The following ZNF423 variants were observed in gnomAD, a reference collection of about 807,000 sequenced individuals.
The protein encoded by ZNF423 is zinc finger protein 423, also known as Ebf-associated zinc finger protein.
A neutral mutation model predicts 95.8 loss-of-function variants in ZNF423; 12 were observed. That is an observed-to-expected ratio of 0.13 (90% CI 0.08 to 0.20). The LOEUF is 0.20. ZNF423 is among the 10% of genes least tolerant of loss of function. The probability of loss-of-function intolerance (pLI) is 1.00; values close to 1 mark genes in which losing one functional copy is unlikely to be tolerated. For synonymous variants in ZNF423, 749 were observed against 711.9 expected, an observed-to-expected ratio of 1.05 and a Z score of -0.83; for missense variants, 1,316 against 1,737.1, an observed-to-expected ratio of 0.76 and a Z score of 4.31.
At chr16:49,530,962 C>CA (rs1162269939) in intron 5 of ZNF423, among the ~76,000 whole-genome samples, 1 of 152,128 alleles carries the variant, frequency 6.6e-6, no homozygotes, top group East Asian at 1.9e-4. Flanking sequence ...CCTGATCACC[C>CA]AAAAAAATCC....
At chr16:49,773,205 G>A (rs2143722369) in intron 2 of ZNF423, among the ~76,000 whole-genome samples, 1 of 152,288 alleles carries the variant, frequency 6.6e-6, no homozygotes, top group Non-Finnish European at 1.5e-5. Flanking sequence ...TGTAATCCCA[G>A]CTACTCGGGA....
At chr16:49,609,836 G>C (rs1251876554) in intron 5 of ZNF423, among the ~76,000 whole-genome samples, 1 of 152,122 alleles carries the variant, frequency 6.6e-6, no homozygotes, top group Non-Finnish European at 1.5e-5. Flanking sequence ...GAGAAGCTGA[G>C]TGAAACTCAA....
At chr16:49,765,433 G>C (rs777438419) in intron 2 of ZNF423, among the ~76,000 whole-genome samples, 2 of 152,110 alleles carry the variant, frequency 1.3e-5, no homozygotes, top group Non-Finnish European at 2.9e-5. Context: ...AAATTTTCCT[G>C]GGTACAGTGG....
chr16:49,717,556 T>G (rs2032744454), intron 3 of ZNF423, among the ~76,000 whole-genome samples: 1 of 152,226 alleles, frequency 6.6e-6, no homozygotes, highest in Admixed American at 6.5e-5. Context: ...ATCATGGCAT[T>G]CCTCAGAGCC....
chr16:49,528,847 A>G (rs751207096), intron 5 of ZNF423, among the ~76,000 whole-genome samples: 2 of 152,000 alleles, frequency 1.3e-5, no homozygotes, highest in African/African-American at 2.4e-5. Flanking sequence ...TGGTGACCCA[A>G]TGTGAGCCAG....
At chr16:49,749,737 G>T (rs2033596921) in intron 2 of ZNF423, among the ~76,000 whole-genome samples, 2 of 127,648 alleles carry the variant, frequency 1.6e-5, no homozygotes, top group Non-Finnish European at 3.1e-5. Flanking sequence ...CGTCTGGAGG[G>T]AAATCACACG....
rs35001134 is a variant in ZNF423, at chr16:49,796,887, CA to C, written c.41-7342del. ...GAAGATCTAGAACCACCTCCACCCC[CA>C]AAATAACTTTAAGCACCCATAGACC... On this transcript the variant is annotated intron_variant, in intron 1 of 7. Coordinates refer to ENST00000563137, the MANE Select transcript of ZNF423 (RefSeq NM_001379286.1). Among the ~76,000 whole-genome samples, 21 of 152,284 alleles carry C rather than the reference CA, an allele frequency of 1.4e-4. No individual in the cohort carries two copies. The Middle Eastern group carries it at 0.01, about 74-fold the overall frequency.
rs545977248 is a variant in ZNF423, at chr16:49,855,511, TCCG to T, written c.40+221_40+223del. 1.3e-3 allele frequency among the ~76,000 whole-genome samples: 184 copies of T among 143,944 alleles called. No individual in the cohort carries two copies. The highest frequency in any genetic ancestry group is 3.1e-3 in the African/African-American group (119 of 38,052). 94.4% of individuals were successfully genotyped at this position (143,944 alleles called of 152,430 possible). On this transcript the variant is annotated intron_variant, in intron 1 of 7. Coordinates refer to ENST00000563137, the MANE Select transcript of ZNF423 (RefSeq NM_001379286.1). This position sits in a 1 kb window ranked among gnomAD's most constrained non-coding sequence, Gnocchi z 4.7. ...GGGAGGGTGTCCGCGGCGTACCCCC[TCCG>T]CCGCCGCCGCCGCCGCCGCCGCCTC...
At chr16:49,543,289 A>G (rs1054110726) in intron 5 of ZNF423, among the ~76,000 whole-genome samples, 1 of 152,132 alleles carries the variant, frequency 6.6e-6, no homozygotes, top group East Asian at 1.9e-4. Flanking sequence ...TGGCCTGGGT[A>G]AGCCCAAGCA....
chr16:49,807,027 CAAAA>C (rs767699028), intron 1 of ZNF423, among the ~76,000 whole-genome samples: 1 of 105,646 alleles, frequency 9.5e-6, no homozygotes, highest in African/African-American at 3.6e-5. Context: ...ACTCTGACTC[CAAAA>C]AAAAAAAAAA....
intron 5 of ZNF423, among the ~76,000 whole-genome samples, chr16:49,537,509 A>C (rs2080612132): frequency 6.6e-6 from 1 of 152,214 alleles, no homozygotes; most frequent in Admixed American, 6.5e-5. Flanking sequence ...AAATGAATAC[A>C]TTCAAATCAA....
At chr16:49,564,318 C>CAA (rs34542336) in intron 5 of ZNF423, among the ~76,000 whole-genome samples, 3 of 149,150 alleles carry the variant, frequency 2.0e-5, no homozygotes, top group African/African-American at 7.4e-5. Flanking sequence ...AAGTACATAT[C>CAA]AAAAAAAAAA....
rs537999029 is a variant in ZNF423, at chr16:49,638,498, G to A, written c.678C>T (p.Ser226=). ...HLKIHLKTHS[S]SKPFKCTVCK... Reference sequence around the variant, plus strand: ...ACACAGTGCACTTGAAGGGCTTGCTGGAGCTGTGGGTCTTCAGGTGGATCT... The same window carrying A: ...ACACAGTGCACTTGAAGGGCTTGCTAGAGCTGTGGGTCTTCAGGTGGATCT... The change falls in exon 4 of 8, where the codon TCC becomes TCT. Residue 226 remains serine, a synonymous_variant. Transcript: ENST00000563137. The surrounding 1 kb of genome is among the most constrained non-coding windows in gnomAD (Gnocchi z 5.6). 4.3e-6 allele frequency: 7 copies of A among 1,613,750 alleles called. No individual in the cohort carries two copies. The highest frequency in any genetic ancestry group is 1.3e-5 in the African/African-American group (1 of 74,936).
intron 1 of ZNF423, among the ~76,000 whole-genome samples, chr16:49,853,291 AGGGGC>A (rs1220278498): frequency 2.3e-5 from 1 of 44,338 alleles, no homozygotes; most frequent in African/African-American, 1.0e-4. Flanking sequence ...GCTTAAGAGA[AGGGGC>A]GGGGCGGGGG....
At chr16:49,709,866 T>C (rs982575527) in intron 3 of ZNF423, among the ~76,000 whole-genome samples, 10 of 152,220 alleles carry the variant, frequency 6.6e-5, no homozygotes, top group African/African-American at 2.4e-4. Context: ...CCTCCAGGAC[T>C]GTGAACGACA....
At chr16:49,825,986 G>A (rs560653473) in intron 1 of ZNF423, among the ~76,000 whole-genome samples, 1 of 152,290 alleles carries the variant, frequency 6.6e-6, no homozygotes, top group East Asian at 1.9e-4. Context: ...CAAGACAGGT[G>A]GATCTCTTGA....
intron 2 of ZNF423, among the ~76,000 whole-genome samples, chr16:49,757,486 G>A (rs940527114): frequency 2.0e-5 from 3 of 152,214 alleles, no homozygotes; most frequent in Admixed American, 2.0e-4. Context: ...GACATGAGGA[G>A]CACCTGCATG....
At chr16:49,789,193 T>C (rs34114333) in intron 2 of ZNF423, among the ~76,000 whole-genome samples, 316 of 152,300 alleles carry the variant, frequency 2.1e-3, no homozygotes, top group African/African-American at 6.0e-3. Context: ...GTGACGCCCA[T>C]AGCAGGGAGC....
chr16:49,585,719 T>C (rs1352066124), intron 5 of ZNF423, among the ~76,000 whole-genome samples: 1 of 152,192 alleles, frequency 6.6e-6, no homozygotes, highest in East Asian at 1.9e-4. Context: ...GCTTAATGTA[T>C]CTATCAAATG....
Sources: gnomAD v4.1 joint callset for allele counts (sites outside exome capture counted in the v4.1 genomes callset) on GRCh38, gnomAD v4.1.1 for gene constraint, Gnocchi (gnomAD v3.1) non-coding constraint, MANE v1.5 for transcripts, NCBI Gene and HGNC (gene_info 2026-07-23, HGNC 2026-07-21) for gene names.